The following PPARGC1B variants were observed in gnomAD, a reference collection of about 807,000 sequenced individuals.
PPARGC1B encodes the protein PPARG coactivator 1 beta, also known as peroxisome proliferator-activated receptor gamma coactivator 1-beta.
A neutral mutation model predicts 101.6 loss-of-function variants in PPARGC1B; 34 were observed. That is an observed-to-expected ratio of 0.33 (90% CI 0.25 to 0.45). PPARGC1B has a LOEUF of 0.45. Ranked by LOEUF, PPARGC1B falls within the 20% of genes least tolerant of loss-of-function variation. PPARGC1B has a pLI of 1.00. For missense variants in PPARGC1B, 1,234 were observed against 1,317.6 expected (o/e 0.94, Z 0.98); for synonymous variants, 548 against 539.3 (o/e 1.02, Z -0.22).
intron 1 of PPARGC1B, among the ~76,000 whole-genome samples, chr5:149,783,180 C>G (rs552044235): frequency 5.9e-5 from 9 of 152,238 alleles, no homozygotes; most frequent in Non-Finnish European, 7.4e-5. Context: ...CTCAACACCC[C>G]AGAGGCCAAT....
At chr5:149,824,743 G>T (rs1046018714) in intron 2 of PPARGC1B, among the ~76,000 whole-genome samples, 3 of 152,168 alleles carry the variant, frequency 2.0e-5, no homozygotes, top group African/African-American at 7.2e-5. Flanking sequence ...CAGCCAATGA[G>T]CCCGCTTGCA....
chr5:149,834,110 A>C (rs1426822393), intron 5 of PPARGC1B, among the ~76,000 whole-genome samples: 2 of 152,276 alleles, frequency 1.3e-5, no homozygotes, highest in Non-Finnish European at 2.9e-5. Context: ...ACTGGGGATG[A>C]TGTGACAGAA....
chr5:149,750,794 G>T (rs60599669), intron 1 of PPARGC1B, among the ~76,000 whole-genome samples: 2 of 152,196 alleles, frequency 1.3e-5, no homozygotes, highest in African/African-American at 4.8e-5. Context: ...TTTTGCAGCC[G>T]GGTGCATTAG....
At chr5:149,789,209 A>C in intron 1 of PPARGC1B, among the ~76,000 whole-genome samples, 1 of 152,216 alleles carries the variant, frequency 6.6e-6, no homozygotes, top group East Asian at 1.9e-4. Flanking sequence ...TGTGTTTGTC[A>C]GTGTAGTAGC....
At chr5:149,750,219 A>G (rs1755235886) in intron 1 of PPARGC1B, among the ~76,000 whole-genome samples, 1 of 151,910 alleles carries the variant, frequency 6.6e-6, no homozygotes, top group South Asian at 2.1e-4. Flanking sequence ...TCCCCAGTGA[A>G]TCACGGAACA....
At chr5:149,772,476 C>CA (rs2113192205) in intron 1 of PPARGC1B, among the ~76,000 whole-genome samples, 1 of 152,218 alleles carries the variant, frequency 6.6e-6, no homozygotes, top group East Asian at 1.9e-4. Flanking sequence ...GGGTGACTTA[C>CA]ACCAGAGAAA....
rs1052003547 is a variant in PPARGC1B at position 149,854,764 on chromosome 5, T to G, written c.*7206T>G. 9.2e-5 allele frequency: 14 copies of G among 152,216 alleles called. No homozygotes were observed. The highest frequency in any genetic ancestry group is 3.1e-4 in the African/African-American group (13 of 41,462). The allele number at this position is 152,216 out of a possible 1,614,324, so 9.4% of individuals were successfully genotyped here. On this transcript the variant is annotated 3_prime_UTR_variant, in exon 12 of 12. Coordinates refer to ENST00000309241, the MANE Select transcript of PPARGC1B (RefSeq NM_133263.4). ...GAAAATGTTTTCTTGTATTTGTACA[T>G]TGTCAGATTCTATAGTTTCCTAGAT...
intron 1 of PPARGC1B, among the ~76,000 whole-genome samples, chr5:149,737,092 A>G (rs1040942675): frequency 6.6e-6 from 1 of 152,142 alleles, no homozygotes; most frequent in Admixed American, 6.5e-5. Context: ...ACTCCTGACA[A>G]CCACTGATCT....
chr5:149,823,227 C>T (rs1758372680), intron 2 of PPARGC1B, among the ~76,000 whole-genome samples: 1 of 152,160 alleles, frequency 6.6e-6, no homozygotes, highest in African/African-American at 2.4e-5. Flanking sequence ...CCTCAGTTTT[C>T]CCATGTGAGG....
intron 1 of PPARGC1B, among the ~76,000 whole-genome samples, chr5:149,748,451 T>C (rs929814408): frequency 6.6e-6 from 1 of 151,894 alleles, no homozygotes; most frequent in Non-Finnish European, 1.5e-5. Context: ...GACCAGATGG[T>C]TTGGTGACAG....
chr5:149,763,143 A>G (rs1298752238), intron 1 of PPARGC1B, among the ~76,000 whole-genome samples: 1 of 150,404 alleles, frequency 6.6e-6, no homozygotes, highest in Non-Finnish European at 1.5e-5. Flanking sequence ...CATCCCCTGC[A>G]ACTTCCCTCC....
rs1428538753 is a variant in PPARGC1B, at chr5:149,835,499, A to G, written c.1807+134A>G. ...TGCCTGCCTTCACGGGGCTTATGTT[A>G]TAGGCAGTCAAAAAGCAAACAGAAA... On this transcript the variant is annotated intron_variant, in intron 7 of 11. Coordinates refer to ENST00000309241, the MANE Select transcript of PPARGC1B (RefSeq NM_133263.4). 9.5e-6 allele frequency: 7 copies of G among 737,676 alleles called. No homozygotes were observed. The South Asian group carries it at 1.2e-4, about 13-fold the overall frequency. 45.7% of individuals were successfully genotyped at this position (737,676 alleles called of 1,614,324 possible).
rs142491983 is a variant in PPARGC1B, at chr5:149,816,332, G to A, written c.79-4101G>A. Among the ~76,000 whole-genome samples, 22 of 152,304 alleles carry A rather than the reference G, an allele frequency of 1.4e-4. No individual in the cohort carries two copies. In the East Asian group the frequency reaches 4.0e-3, roughly 28 times the overall value. ...TTTATGGACATTTTGTAAAGGAGGC[G>A]GTATGGTTTCGAGGGAAGGACACTC... On this transcript the variant is annotated intron_variant, in intron 1 of 11. Coordinates refer to ENST00000309241, the MANE Select transcript of PPARGC1B (RefSeq NM_133263.4).
chr5:149,818,879 A>G (rs1581091414), intron 1 of PPARGC1B: 1 of 456,648 alleles, frequency 2.2e-6, no homozygotes, highest in Non-Finnish European at 4.4e-6. Context: ...TCCACGTTTT[A>G]CAGATGAAGG....
intron 1 of PPARGC1B, among the ~76,000 whole-genome samples, chr5:149,770,132 T>G (rs914086111): frequency 6.6e-6 from 1 of 152,062 alleles, no homozygotes; most frequent in Non-Finnish European, 1.5e-5. Context: ...GCCCCTGCCT[T>G]CCTTTTATAT....
chr5:149,797,405 A>G (rs1363753935), intron 1 of PPARGC1B, among the ~76,000 whole-genome samples: 1 of 152,246 alleles, frequency 6.6e-6, no homozygotes, highest in African/African-American at 2.4e-5. Context: ...TTTGTTGTCA[A>G]TGGAAATCAC....
At chr5:149,846,428 G>A (rs1198855408) in intron 11 of PPARGC1B, 1 of 166,992 alleles carries the variant, frequency 6.0e-6, no homozygotes, top group African/African-American at 2.4e-5. Context: ...GAGCCCAGGA[G>A]TTCGAGACCA....
intron 1 of PPARGC1B, among the ~76,000 whole-genome samples, chr5:149,778,577 A>G (rs989757118): frequency 2.6e-5 from 4 of 152,082 alleles, no homozygotes; most frequent in Non-Finnish European, 4.4e-5. Flanking sequence ...GGCAGCTCTG[A>G]TGGTCACAAG....
chr5:149,772,773 T>A (rs1581036047), intron 1 of PPARGC1B, among the ~76,000 whole-genome samples: 1 of 152,206 alleles, frequency 6.6e-6, no homozygotes, highest in East Asian at 1.9e-4. Context: ...CTTCATCATA[T>A]GAATTTTAGG....
Sources: gnomAD v4.1 joint callset for allele counts (sites outside exome capture counted in the v4.1 genomes callset) on GRCh38, gnomAD v4.1.1 for gene constraint, MANE v1.5 for transcripts, NCBI Gene and HGNC (gene_info 2026-07-23, HGNC 2026-07-21) for gene names.